SLC9A9: variants seen among roughly 807,000 people sequenced by gnomAD.
SLC9A9 encodes sodium/hydrogen exchanger 9.
Under a neutral mutation model 77.8 loss-of-function variants are expected in SLC9A9, and 62 were observed. That is an observed-to-expected ratio of 0.80 (90% confidence interval 0.65 to 0.98). The LOEUF is 0.98. Among genes scored for constraint, SLC9A9 ranks in the 50% least tolerant of loss-of-function variants. The probability of loss-of-function intolerance (pLI) is 0.00; values close to 1 mark genes in which losing one functional copy is unlikely to be tolerated. For missense variants in SLC9A9, 775 were observed against 774.9 expected (o/e 1.00, Z 0.00); for synonymous variants, 320 against 283.5 (o/e 1.13, Z -1.29).
chr3:143,328,977 T>C (rs931224582), intron 14 of SLC9A9, among the ~76,000 whole-genome samples: 2 of 152,196 alleles, frequency 1.3e-5, no homozygotes, highest in African/African-American at 4.8e-5. Flanking sequence ...ATATAACTTA[T>C]TGCCTACTGT....
At chr3:143,503,118 CT>C (rs1185753370) in intron 9 of SLC9A9, among the ~76,000 whole-genome samples, 1 of 152,170 alleles carries the variant, frequency 6.6e-6, no homozygotes, top group East Asian at 1.9e-4. Flanking sequence ...CAAAGTGGGG[CT>C]TTCTAGGCCC....
chr3:143,630,046 A>G (rs919246033), intron 6 of SLC9A9, among the ~76,000 whole-genome samples: 1 of 152,218 alleles, frequency 6.6e-6, no homozygotes, highest in African/African-American at 2.4e-5. Context: ...TGAAAAAACA[A>G]AAACATGTAT....
chr3:143,497,108 C>A (rs1434377863), intron 9 of SLC9A9, among the ~76,000 whole-genome samples: 2 of 152,232 alleles, frequency 1.3e-5, no homozygotes, highest in African/African-American at 4.8e-5. Context: ...AGAGCTTCAA[C>A]ATATGAATTT....
At chr3:143,561,930 T>C (rs1467241597) in intron 8 of SLC9A9, among the ~76,000 whole-genome samples, 1 of 152,208 alleles carries the variant, frequency 6.6e-6, no homozygotes, top group South Asian at 2.1e-4. Context: ...TGTCTTCCCT[T>C]CACCTTTAAC....
chr3:143,501,515 T>A (rs1400884313), intron 9 of SLC9A9, among the ~76,000 whole-genome samples: 1 of 150,948 alleles, frequency 6.6e-6, no homozygotes, highest in Non-Finnish European at 1.5e-5. Context: ...ATAGTAAAAA[T>A]CTGCCCTTCA....
chr3:143,362,497 T>A (rs2032779895), intron 14 of SLC9A9, among the ~76,000 whole-genome samples: 1 of 152,172 alleles, frequency 6.6e-6, no homozygotes, highest in Non-Finnish European at 1.5e-5. Context: ...TTCCTTTCCT[T>A]CCTGCATTTC....
chr3:143,543,635 T>C (rs1378563603), intron 9 of SLC9A9, among the ~76,000 whole-genome samples: 1 of 152,172 alleles, frequency 6.6e-6, no homozygotes, highest in African/African-American at 2.4e-5. Flanking sequence ...GATGAGAACA[T>C]GTGGTATTTG....
intron 6 of SLC9A9, among the ~76,000 whole-genome samples, chr3:143,605,575 G>T (rs971294991): frequency 1.3e-5 from 2 of 152,242 alleles, no homozygotes; most frequent in African/African-American, 4.8e-5. Flanking sequence ...GCATATAAAA[G>T]ATTTAAGCTG....
intron 2 of SLC9A9, among the ~76,000 whole-genome samples, chr3:143,799,780 G>A (rs368664440): frequency 5.3e-4 from 81 of 152,274 alleles, no homozygotes; most frequent in African/African-American, 1.8e-3. Flanking sequence ...TGATCACCTC[G>A]GAAGCCCCCT....
chr3:143,830,412 C>T lies in SLC9A9; in HGVS notation c.378+1607G>A, dbSNP rs928104916. On this transcript the variant is annotated intron_variant, in intron 2 of 15. Transcript: ENST00000316549. The stretch of plus-strand genomic sequence containing the variant: ...ACCAAGAGGGCTCCAGCAACTTAGA[C>T]GTTTTCTCCATCTCTTGCCCTAATT... Among the ~76,000 whole-genome samples the T allele has an allele frequency of 4.6e-5, 7 of 152,176 alleles. No homozygotes were observed. The South Asian group carries it at 8.3e-4, about 18-fold the overall frequency.
At chr3:143,747,749 G>C (rs1380115370) in intron 4 of SLC9A9, among the ~76,000 whole-genome samples, 2 of 152,240 alleles carry the variant, frequency 1.3e-5, no homozygotes, top group African/African-American at 2.4e-5. Context: ...TGGTGATACT[G>C]ACTTTGGCCT....
At chr3:143,531,843 G>C (rs1440474375) in intron 9 of SLC9A9, among the ~76,000 whole-genome samples, 1 of 150,982 alleles carries the variant, frequency 6.6e-6, no homozygotes, top group Non-Finnish European at 1.5e-5. Context: ...GACTCCCTGA[G>C]ACTCTTACAG....
At chr3:143,620,977 C>A (rs151315103) in intron 6 of SLC9A9, among the ~76,000 whole-genome samples, 268 of 152,338 alleles carry the variant, frequency 1.8e-3, no homozygotes, top group African/African-American at 5.4e-3. Flanking sequence ...TATCCCGCGC[C>A]TGGCTCAGAG....
chr3:143,266,917 C>G lies in SLC9A9; in HGVS notation c.1723G>C (p.Glu575Gln), dbSNP rs1937741111. The change falls in exon 16 of 16, where the codon GAG becomes CAG. Residue 575 changes from glutamate (E) to glutamine (Q), a missense_variant. Physicochemically the swap from Glu to Gln is conservative, Grantham distance 29. Coordinates refer to ENST00000316549, the MANE Select transcript of SLC9A9 (RefSeq NM_173653.4). ...SPQAYGEQLK[E>Q]DDVECIVNQD... ...TTTACAATGCATTCCACATCATCCT[C>G]TTTTAGCTGTTCCTGGTTGGGAAAA... 1 of 1,613,810 alleles carries G rather than the reference C, an allele frequency of 6.2e-7. No homozygotes were observed. Among genetic ancestry groups the G allele is most frequent in the Admixed American group, 1.7e-5 (1 of 60,008 alleles).
chr3:143,603,491 T>C (rs2037877757), intron 6 of SLC9A9, among the ~76,000 whole-genome samples: 2 of 152,204 alleles, frequency 1.3e-5, no homozygotes, highest in Non-Finnish European at 2.9e-5. Flanking sequence ...CTTGAATTAT[T>C]CTCTCTGGGG....
Position 143,493,654 on chromosome 3 carries a change from T to C in SLC9A9, c.1314A>G (p.Ser438=). ...TAACATATAACATAGTTCACATACC[T>C]GAAAACATCATCATGTGCTGAAAGT... is the stretch of plus-strand genomic sequence containing the variant. The part of the protein sequence containing the change: ...PWNFQHMMMF[S]GLRGAIAFAL... Residue 438 remains serine, a splice_region_variant and synonymous_variant, in exon 11 of 16, where the codon TCA becomes TCG. Transcript: ENST00000316549. 1 of 1,611,896 alleles carries C rather than the reference T, an allele frequency of 6.2e-7. No individual in the cohort carries two copies. Among genetic ancestry groups the C allele is most frequent in the South Asian group, 1.1e-5 (1 of 91,036 alleles).
intron 9 of SLC9A9, among the ~76,000 whole-genome samples, chr3:143,532,258 T>G (rs1009877422): frequency 6.6e-6 from 1 of 152,194 alleles, no homozygotes; most frequent in Non-Finnish European, 1.5e-5. Flanking sequence ...GATTCCATGA[T>G]GTAAATATTC....
intron 6 of SLC9A9, among the ~76,000 whole-genome samples, chr3:143,589,887 A>G (rs990460500): frequency 3.9e-5 from 6 of 152,158 alleles, no homozygotes; most frequent in Non-Finnish European, 8.8e-5. Flanking sequence ...ATACACCCCA[A>G]CTTCATAGAC....
chr3:143,507,459 G>A (rs1384880049), intron 9 of SLC9A9, among the ~76,000 whole-genome samples: 2 of 151,932 alleles, frequency 1.3e-5, no homozygotes, highest in African/African-American at 2.4e-5. Context: ...TGCCTGCCTC[G>A]GCCTCCCAAA....
Sources: gnomAD v4.1 joint callset for allele counts (sites outside exome capture counted in the v4.1 genomes callset) on GRCh38, gnomAD v4.1.1 for gene constraint, MANE v1.5 for transcripts, NCBI Gene and HGNC (gene_info 2026-07-23, HGNC 2026-07-21) for gene names.